Variants in RPTOR observed in about 807,000 individuals in gnomAD.
The protein encoded by RPTOR is regulatory-associated protein of mTOR.
A neutral mutation model predicts 169.9 loss-of-function variants in RPTOR; 21 were observed. The observed-to-expected ratio is 0.12, with a 90% CI of 0.09 to 0.18. The LOEUF is 0.18. Among genes scored for constraint, RPTOR ranks in the 10% least tolerant of loss-of-function variants. RPTOR has a pLI of 1.00. For synonymous variants in RPTOR, 732 were observed against 753.2 expected (o/e 0.97, Z 0.46); for missense variants, 1,133 against 1,855.9 (o/e 0.61, Z 7.16).
intron 3 of RPTOR, among the ~76,000 whole-genome samples, chr17:80,663,826 C>T (rs528148189): frequency 7.2e-5 from 11 of 151,736 alleles, no homozygotes; most frequent in African/African-American, 2.2e-4. Context: ...TGGTTCTGTG[C>T]GTGTGCGTGT....
rs117599152 is a variant in RPTOR, at chr17:80,606,905, C to G, written c.163-18786C>G. On this transcript the variant is annotated intron_variant, in intron 1 of 33. Coordinates refer to ENST00000306801, the MANE Select transcript of RPTOR (RefSeq NM_020761.3). Reference sequence around the variant, plus strand: ...GCAATCAGCAGGCAATGAATCGGGCCATTCCCTGGTTGAAATTCAACTTGA... The same window carrying G: ...GCAATCAGCAGGCAATGAATCGGGCGATTCCCTGGTTGAAATTCAACTTGA... Among the ~76,000 whole-genome samples the G allele has an allele frequency of 2.4e-3, 369 of 152,290 alleles. 1 individual carries two copies. Among genetic ancestry groups the G allele is most frequent in the Non-Finnish European group, 4.5e-3 (308 of 68,024 alleles).
intron 1 of RPTOR, among the ~76,000 whole-genome samples, chr17:80,608,312 T>A (rs547279772): frequency 6.6e-6 from 1 of 152,248 alleles, no homozygotes; most frequent in Non-Finnish European, 1.5e-5. Flanking sequence ...ATATTCTATA[T>A]GCATTATTCT....
intron 1 of RPTOR, among the ~76,000 whole-genome samples, chr17:80,610,319 T>C (rs576839081): frequency 2.6e-5 from 4 of 152,352 alleles, no homozygotes; most frequent in African/African-American, 9.6e-5. Context: ...TATGATGATA[T>C]AGACAGAAAA....
chr17:80,661,860 G>T (rs115324033), intron 3 of RPTOR, among the ~76,000 whole-genome samples: 10,037 of 152,078 alleles, frequency 0.066, 1,131 homozygotes, highest in African/African-American at 0.23. Context: ...TTTGGACCCT[G>T]CACCGCTCGA....
intron 3 of RPTOR, among the ~76,000 whole-genome samples, chr17:80,669,655 T>C (rs1179129882): frequency 6.6e-6 from 1 of 152,220 alleles, no homozygotes; most frequent in African/African-American, 2.4e-5. Flanking sequence ...AAGTGCTGGA[T>C]TACAGGCGTG....
At chr17:80,634,469 C>CGTGTGCATACTGTGTGTGCATACTGTGT (rs1567830901) in intron 2 of RPTOR, among the ~76,000 whole-genome samples, 3 of 58,252 alleles carry the variant, frequency 5.2e-5, no homozygotes, top group African/African-American at 1.6e-4. Context: ...ATAGTGTGTG[C>CGTGTGCATACTGTGTGTGCATACTGTGT]GTGTGCATAC....
intron 10 of RPTOR, among the ~76,000 whole-genome samples, chr17:80,840,511 A>T (rs1598344531): frequency 2.8e-4 from 25 of 89,794 alleles, no homozygotes; most frequent in Middle Eastern, 8.6e-3. Flanking sequence ...ACGGCAGCTC[A>T]CACCACGGCA....
In RPTOR at chr17:80,801,504, A is replaced by G. The variant is rs1417270993; in HGVS notation, c.890+9995A>G. 4 of 152,144 alleles carry G rather than the reference A, an allele frequency of 2.6e-5. No homozygotes were observed. The East Asian group carries it at 7.7e-4, about 29-fold the overall frequency. The allele number at this position is 152,144 out of a possible 1,614,324, so 9.4% of individuals were successfully genotyped here. On this transcript the variant is annotated intron_variant, in intron 7 of 33. Transcript: ENST00000306801. ...CTCCTCAACAGGAGCCCAGACCTCTAGAAGGTCTGCACAGGGTTTGGGGGG... is the reference window on the plus strand; with the variant it reads ...CTCCTCAACAGGAGCCCAGACCTCTGGAAGGTCTGCACAGGGTTTGGGGGG...
At chr17:80,712,441 G>C (rs1308192865) in intron 4 of RPTOR, among the ~76,000 whole-genome samples, 1 of 152,028 alleles carries the variant, frequency 6.6e-6, no homozygotes, top group African/African-American at 2.4e-5. Context: ...TTTCAGACAG[G>C]CTTCTCTGAC....
rs1218035938 is a variant in RPTOR at position 80,803,297 on chromosome 17, A to T, written c.890+11788A>T. 6.6e-6 allele frequency: 1 copy of T among 152,258 alleles called. No individual in the cohort carries two copies. Among genetic ancestry groups the T allele is most frequent in the Non-Finnish European group, 1.5e-5 (1 of 68,074 alleles). The allele number at this position is 152,258 out of a possible 1,614,324, so 9.4% of individuals were successfully genotyped here. On this transcript the variant is annotated intron_variant, in intron 7 of 33. Coordinates refer to ENST00000306801, the MANE Select transcript of RPTOR (RefSeq NM_020761.3). This position sits in a 1 kb window ranked among gnomAD's most constrained non-coding sequence, Gnocchi z 6.2. The stretch of plus-strand genomic sequence containing the variant: ...ATTTAAACTTCTGGAAACCGAGGCA[A>T]GGGAGGTGGAGAGACTTGCTCAGGG...
Position 80,791,433 on chromosome 17 carries a change from C to G in RPTOR, c.831-17C>G, listed in dbSNP as rs1446923073. 1 of 1,611,622 alleles carries G rather than the reference C, an allele frequency of 6.2e-7. No individual in the cohort carries two copies. Among genetic ancestry groups the G allele is most frequent in the Non-Finnish European group, 8.5e-7 (1 of 1,179,224 alleles). ...CTGTTCCATTCATGCCGTTCACATT[C>G]TTTTCTTTCTCTGCAGGTTTTGCAT... On this transcript the variant is annotated splice_polypyrimidine_tract_variant and intron_variant, in intron 6 of 33. Transcript: ENST00000306801.
At chr17:80,888,949 A>G (rs2068282422) in intron 17 of RPTOR, among the ~76,000 whole-genome samples, 1 of 152,194 alleles carries the variant, frequency 6.6e-6, no homozygotes, top group African/African-American at 2.4e-5. Context: ...GGCTGTGCCC[A>G]TCAGAGGGCG....
chr17:80,566,880 A>G (rs2064849460), intron 1 of RPTOR, among the ~76,000 whole-genome samples: 1 of 151,068 alleles, frequency 6.6e-6, no homozygotes, highest in Admixed American at 6.6e-5. Context: ...TACTTAATTT[A>G]AAAAACTTCT....
intron 5 of RPTOR, chr17:80,743,502 C>T (rs542484414): frequency 2.7e-4 from 263 of 969,698 alleles, no homozygotes; most frequent in Middle Eastern, 1.6e-3. Context: ...GCAGCGCGTT[C>T]GGAGTGCTGG....
intron 1 of RPTOR, among the ~76,000 whole-genome samples, chr17:80,551,391 C>T (rs995785852): frequency 2.0e-5 from 3 of 152,048 alleles, no homozygotes; most frequent in African/African-American, 4.8e-5. Context: ...ATTGATCATT[C>T]GTGGGTGTTT....
intron 3 of RPTOR, among the ~76,000 whole-genome samples, chr17:80,683,459 C>T (rs993445383): frequency 2.6e-5 from 4 of 152,118 alleles, no homozygotes; most frequent in Non-Finnish European, 4.4e-5. Flanking sequence ...TTCTCCGCTG[C>T]GGAGTTGTTT....
At chr17:80,627,338 A>G (rs1259464560) in intron 2 of RPTOR, among the ~76,000 whole-genome samples, 1 of 151,950 alleles carries the variant, frequency 6.6e-6, no homozygotes, top group Non-Finnish European at 1.5e-5. Context: ...ATTTATATAC[A>G]GTAAAGTTCA....
In RPTOR at chr17:80,682,107, T is replaced by TA. The variant is rs748851556; in HGVS notation, c.349-25734_349-25733insA. On this transcript the variant is annotated intron_variant, in intron 3 of 33. Transcript: ENST00000306801. ...TCATGTGGTGAAAGATGTGATTAGG[T>TA]CCCCCCCCCCACCCCAAACAAAGTC... 3.9e-3 allele frequency among the ~76,000 whole-genome samples: 243 copies of TA among 63,044 alleles called. 7 individuals are homozygous for TA. The East Asian group carries it at 0.14, about 35-fold the overall frequency. The allele number at this position is 63,044 out of a possible 152,430, so 41.4% of individuals were successfully genotyped here. A position where few individuals can be genotyped will look rare whatever the true frequency, so the allele number is the denominator to read the frequency against.
At chr17:80,911,358 A>G (rs1309113007) in intron 21 of RPTOR, among the ~76,000 whole-genome samples, 2 of 152,210 alleles carry the variant, frequency 1.3e-5, no homozygotes, top group African/African-American at 2.4e-5. Flanking sequence ...CCATCTCCTC[A>G]GGTTTCTTTT....
Sources: allele counts gnomAD v4.1 joint callset (sites outside exome capture counted in the v4.1 genomes callset), GRCh38; gene constraint gnomAD v4.1.1; non-coding constraint Gnocchi (gnomAD v3.1); transcripts MANE v1.5; gene names NCBI Gene and HGNC (gene_info 2026-07-23, HGNC 2026-07-21).